LAMA1: variants seen among roughly 807,000 people sequenced by gnomAD.
The protein encoded by LAMA1 is laminin subunit alpha-1.
LAMA1 carries 219 observed loss-of-function variants against 348.7 expected under a neutral mutation model. The observed-to-expected ratio is 0.63, with a 90% CI of 0.56 to 0.70. The LOEUF (loss-of-function observed/expected upper bound fraction) is 0.70, where lower values mean the gene tolerates loss of function less well. Among genes scored for constraint, LAMA1 ranks in the 30% least tolerant of loss-of-function variants. The probability of loss-of-function intolerance (pLI) is 0.00; values close to 1 mark genes in which losing one functional copy is unlikely to be tolerated. For synonymous variants in LAMA1, 1,487 were observed against 1,491.0 expected, an observed-to-expected ratio of 1.00 and a Z score of 0.06; for missense variants, 3,744 against 3,888.0, an observed-to-expected ratio of 0.96 and a Z score of 0.99.
intron 1 of LAMA1, among the ~76,000 whole-genome samples, chr18:7,086,606 C>T (rs1415011324): frequency 2.0e-5 from 3 of 150,266 alleles, no homozygotes; most frequent in African/African-American, 7.3e-5. Flanking sequence ...CCCCACTATC[C>T]TTTTCCAAAA....
intron 1 of LAMA1, among the ~76,000 whole-genome samples, chr18:7,106,167 T>C (rs574106512): frequency 5.3e-5 from 8 of 152,314 alleles, no homozygotes; most frequent in Admixed American, 3.3e-4. Flanking sequence ...ATCTGTTATG[T>C]ACAGAGCACT....
chr18:7,048,307 G>C (rs1482266424), intron 5 of LAMA1, among the ~76,000 whole-genome samples: 1 of 152,156 alleles, frequency 6.6e-6, no homozygotes, highest in Non-Finnish European at 1.5e-5. Context: ...ACGCACACAG[G>C]AACAGCGGGC....
intron 3 of LAMA1, among the ~76,000 whole-genome samples, chr18:7,068,559 T>A (rs140513504): frequency 0.012 from 1,876 of 152,312 alleles, 16 homozygotes; most frequent in Middle Eastern, 0.02. Context: ...TTTAAATAAC[T>A]TTTTTCTTAT....
In LAMA1 at chr18:6,964,794, G is replaced by A; in HGVS notation, c.7205C>T (p.Ala2402Val). Residue 2402 changes from alanine (A) to valine (V), a missense_variant, in exon 51 of 63, where the codon GCA becomes GTA. Coordinates refer to ENST00000389658, the MANE Select transcript of LAMA1 (RefSeq NM_005559.4). ...ACTGGTGTTATAGGCATCGATAACT[G>A]CTAGCACTCCTAAAAGGAGAGCACA... Reference protein sequence around the residue: ...FQRNRKQGVLAVIDAYNTSNK... With the variant: ...FQRNRKQGVLVVIDAYNTSNK... 2 of 1,614,080 alleles carry A rather than the reference G, an allele frequency of 1.2e-6. No individual in the cohort carries two copies. Among genetic ancestry groups the A allele is most frequent in the Non-Finnish European group, 8.5e-7 (1 of 1,180,018 alleles).
Position 7,067,696 on chromosome 18 carries a change from A to T in LAMA1, c.345+12279T>A, listed in dbSNP as rs114208754. On this transcript the variant is annotated intron_variant, in intron 3 of 62. Coordinates refer to ENST00000389658, the MANE Select transcript of LAMA1 (RefSeq NM_005559.4). ...GTCAATTATGTCCCAATAAATAGAAAAGAAAAACGAGAGGAAATGTTTATT... is the reference window on the plus strand; with the variant it reads ...GTCAATTATGTCCCAATAAATAGAATAGAAAAACGAGAGGAAATGTTTATT... Among the ~76,000 whole-genome samples the T allele has an allele frequency of 4.3e-3, 654 of 152,250 alleles. 10 individuals carry two copies. The highest frequency in any genetic ancestry group is 0.015 in the African/African-American group (634 of 41,540).
At chr18:7,039,495 G>A (rs374815619) in intron 10 of LAMA1, among the ~76,000 whole-genome samples, 18 of 152,252 alleles carry the variant, frequency 1.2e-4, no homozygotes, top group South Asian at 4.1e-4. Flanking sequence ...GCATATCTGC[G>A]TTTAATTGGT....
intron 1 of LAMA1, among the ~76,000 whole-genome samples, chr18:7,098,487 G>A (rs1161188992): frequency 4.0e-5 from 6 of 150,124 alleles, no homozygotes; most frequent in African/African-American, 1.2e-4. Flanking sequence ...TGTGGGGAGC[G>A]CCTCTGCCCC....
chr18:7,075,665 C>T (rs529179869), intron 3 of LAMA1, among the ~76,000 whole-genome samples: 15 of 151,920 alleles, frequency 9.9e-5, no homozygotes, highest in East Asian at 1.9e-4. Context: ...AGGCTGGGCG[C>T]GGTGGCTTAC....
chr18:7,098,573 CG>C (rs1331406809), intron 1 of LAMA1, among the ~76,000 whole-genome samples: 4 of 150,996 alleles, frequency 2.6e-5, no homozygotes, highest in Non-Finnish European at 5.9e-5. Flanking sequence ...CATCTCTGCC[CG>C]GCCGCCCCGT....
intron 3 of LAMA1, among the ~76,000 whole-genome samples, chr18:7,054,321 C>T (rs2143733150): frequency 6.6e-6 from 1 of 152,256 alleles, no homozygotes; most frequent in East Asian, 1.9e-4. Flanking sequence ...AAATGCAGCT[C>T]CCAGGAATTG....
At chr18:7,065,393 T>G (rs560895547) in intron 3 of LAMA1, among the ~76,000 whole-genome samples, 2 of 152,090 alleles carry the variant, frequency 1.3e-5, no homozygotes, top group African/African-American at 4.8e-5. Flanking sequence ...AAGAAAACAA[T>G]TACACATATT....
chr18:6,965,889 T>C, intron 49 of LAMA1: 1 of 487,518 alleles, frequency 2.1e-6, no homozygotes, highest in Non-Finnish European at 3.6e-6. Flanking sequence ...GTTGAATTGA[T>C]ATCTATAAAG....
intron 3 of LAMA1, among the ~76,000 whole-genome samples, chr18:7,070,157 G>A (rs890878533): frequency 2.3e-4 from 35 of 152,158 alleles, no homozygotes; most frequent in African/African-American, 8.4e-4. Context: ...AAATCATAAT[G>A]ATGAGCTTAA....
rs747619790 is a variant in LAMA1 at position 6,985,551 on chromosome 18, T to C, written c.5472A>G (p.Thr1824=). 6 of 1,614,190 alleles carry C rather than the reference T, an allele frequency of 3.7e-6. No individual in the cohort carries two copies. The highest frequency in any genetic ancestry group is 4.2e-6 in the Non-Finnish European group (5 of 1,180,000). ...RGLIDAAAAQ[T]DAVQDALEHL... ...CCTCTAGAGCATCTTGTACAGCATC[T>C]GTTTGTGCAGCAGCAGCATCTATCA... Residue 1824 remains threonine, a synonymous_variant, in exon 38 of 63, where the codon ACA becomes ACG. Transcript: ENST00000389658.
rs776476332 is a variant in LAMA1 at position 6,948,519 on chromosome 18, G to A, written c.8594C>T (p.Thr2865Met). ...HSIPACIGDV[T>M]VNSKQLDKDS... ...CTTGTCCAGCTGTTTGCTGTTAACCGTCACATCCCCAATGCAGGCAGGGAT... is the reference window on the plus strand; with the variant it reads ...CTTGTCCAGCTGTTTGCTGTTAACCATCACATCCCCAATGCAGGCAGGGAT... The change falls in exon 60 of 63, where the codon ACG becomes ATG. Residue 2865 changes from threonine to methionine, a missense_variant. Around this residue, in one of 3 missense-constraint regions of LAMA1, gnomAD observed 1,983 missense variants for 1,934.3 expected, o/e 1.03. Transcript: ENST00000389658. 76 of 1,614,054 alleles carry A rather than the reference G, an allele frequency of 4.7e-5. No individual in the cohort carries two copies. Among genetic ancestry groups the A allele is most frequent in the Non-Finnish European group, 5.8e-5 (68 of 1,180,046 alleles).
chr18:6,989,624 T>C (rs1410372940), intron 36 of LAMA1, among the ~76,000 whole-genome samples: 2 of 151,984 alleles, frequency 1.3e-5, no homozygotes, highest in Non-Finnish European at 2.9e-5. Context: ...GTCTCTTTAG[T>C]AGTATTTTAA....
At chr18:7,062,155 A>T in intron 3 of LAMA1, among the ~76,000 whole-genome samples, 1 of 152,194 alleles carries the variant, frequency 6.6e-6, no homozygotes, top group East Asian at 1.9e-4. Context: ...TATGTGACCC[A>T]ATGCCCTGGT....
rs1369561003 is a variant in LAMA1, at chr18:6,966,315, T to C, written c.6900-18A>G. 2.5e-6 allele frequency: 4 copies of C among 1,611,042 alleles called. No homozygotes were observed. The East Asian group carries it at 8.9e-5, about 36-fold the overall frequency. On this transcript the variant is annotated intron_variant, in intron 48 of 62. Coordinates refer to ENST00000389658, the MANE Select transcript of LAMA1 (RefSeq NM_005559.4). ...TCTGGGAGCTGCAAAGCAGAAGAGATGAAATAGAATCCATTCTCAGGAGGG... is the reference window on the plus strand; with the variant it reads ...TCTGGGAGCTGCAAAGCAGAAGAGACGAAATAGAATCCATTCTCAGGAGGG...
intron 1 of LAMA1, among the ~76,000 whole-genome samples, chr18:7,082,754 G>A (rs749593528): frequency 1.3e-5 from 2 of 152,148 alleles, no homozygotes; most frequent in African/African-American, 2.4e-5. Context: ...TAGATTTACA[G>A]TACAATCAAC....
Sources: gnomAD v4.1 joint callset for allele counts (sites outside exome capture counted in the v4.1 genomes callset) on GRCh38, gnomAD v4.1.1 for gene constraint, gnomAD v4.1.1 regional missense constraint, MANE v1.5 for transcripts, NCBI Gene and HGNC (gene_info 2026-07-23, HGNC 2026-07-21) for gene names.